Variants in SLCO4C1 observed in about 807,000 individuals in gnomAD.
SLCO4C1 encodes organic anion transporter M1.
SLCO4C1 carries 58 observed loss-of-function variants against 72.1 expected under a neutral mutation model. That is an observed-to-expected ratio of 0.80 (90% CI 0.65 to 1.00). The LOEUF (loss-of-function observed/expected upper bound fraction) is 1.00. SLCO4C1 is among the 50% of genes least tolerant of loss of function. The pLI is 0.00. For missense variants in SLCO4C1, 898 were observed against 857.9 expected, an observed-to-expected ratio of 1.05 and a Z score of -0.58; for synonymous variants, 297 against 312.5, an observed-to-expected ratio of 0.95 and a Z score of 0.52.
chr5:102,255,926 C>T (rs573627982), intron 8 of SLCO4C1, among the ~76,000 whole-genome samples: 1 of 152,038 alleles, frequency 6.6e-6, no homozygotes, highest in African/African-American at 2.4e-5. Context: ...TGGAGCTTGG[C>T]CGGGCGCGGT....
In SLCO4C1 at chr5:102,249,659, T is replaced by C. The variant is rs745916767; in HGVS notation, c.1599A>G (p.Pro533=). Residue 533 remains proline (P), a synonymous_variant, in exon 9 of 13, where the codon CCA becomes CCG. Transcript: ENST00000310954. The part of the protein sequence containing the change: ...FSPCFAGCSN[P]VAHRKPKVYY... Reference sequence around the variant, plus strand: ...CTACCTTTGGCTTCCTGTGTGCAACTGGGTTTGAACAGCCTGCAAAGCAGG... The same window carrying C: ...CTACCTTTGGCTTCCTGTGTGCAACCGGGTTTGAACAGCCTGCAAAGCAGG... The C allele has an allele frequency of 1.9e-6, 3 of 1,613,676 alleles. No individual in the cohort carries two copies. The highest frequency in any genetic ancestry group is 1.3e-5 in the African/African-American group (1 of 75,016).
At chr5:102,266,811 T>C (rs1220773281) in intron 3 of SLCO4C1, among the ~76,000 whole-genome samples, 2 of 152,210 alleles carry the variant, frequency 1.3e-5, no homozygotes, top group Non-Finnish European at 2.9e-5. Flanking sequence ...CTTTTATACC[T>C]AATTTCTTAA....
chr5:102,256,599 A>T (rs890460740), intron 8 of SLCO4C1, among the ~76,000 whole-genome samples: 4 of 152,210 alleles, frequency 2.6e-5, no homozygotes, highest in Admixed American at 2.0e-4. Flanking sequence ...AGCTAGAAAC[A>T]TGTCTACAGG....
In SLCO4C1 at chr5:102,270,812, TG is replaced by T; in HGVS notation, c.620-7del. The stretch of plus-strand genomic sequence containing the variant: ...CCTTGTTGTTACACAAGTGTCTTTG[TG>T]GAAAAAAAAATTGTGAATTTATAGA... On this transcript the variant is annotated splice_region_variant and splice_polypyrimidine_tract_variant and intron_variant, in intron 2 of 12. Coordinates refer to ENST00000310954, the MANE Select transcript of SLCO4C1 (RefSeq NM_180991.5). 1.4e-6 allele frequency: 2 copies of T among 1,464,070 alleles called. No homozygotes were observed. The highest frequency in any genetic ancestry group is 1.8e-6 in the Non-Finnish European group (2 of 1,114,820). The allele number at this position is 1,464,070 out of a possible 1,614,324, so 90.7% of individuals were successfully genotyped here. A position where few individuals can be genotyped will look rare whatever the true frequency, so the allele number is the denominator to read the frequency against.
At chr5:102,247,917 CTTTT>C (rs55692838) in intron 9 of SLCO4C1, among the ~76,000 whole-genome samples, 9 of 107,418 alleles carry the variant, frequency 8.4e-5, no homozygotes, top group Admixed American at 1.0e-4. Flanking sequence ...AGGCCAGAAA[CTTTT>C]TTTTTTTTTT....
intron 12 of SLCO4C1, among the ~76,000 whole-genome samples, chr5:102,238,952 G>A (rs557051755): frequency 6.6e-6 from 1 of 152,202 alleles, no homozygotes; most frequent in East Asian, 1.9e-4. Context: ...TAGCTTTCGA[G>A]TATACTTTCC....
At chr5:102,280,210 G>A (rs1749329599) in intron 2 of SLCO4C1, among the ~76,000 whole-genome samples, 1 of 149,846 alleles carries the variant, frequency 6.7e-6, no homozygotes, top group East Asian at 2.0e-4. Context: ...AATACACCAA[G>A]GAATCCACAA....
At chr5:102,294,938 T>C (rs1362685878) in intron 1 of SLCO4C1, among the ~76,000 whole-genome samples, 1 of 152,208 alleles carries the variant, frequency 6.6e-6, no homozygotes. Flanking sequence ...CCTTGACTGA[T>C]TATACAGAAA....
chr5:102,269,537 A>AT (rs1021315460), intron 3 of SLCO4C1, among the ~76,000 whole-genome samples: 2 of 152,012 alleles, frequency 1.3e-5, no homozygotes, highest in African/African-American at 4.8e-5. Flanking sequence ...CTATTTGGTT[A>AT]TTTTTAATGA....
intron 12 of SLCO4C1, among the ~76,000 whole-genome samples, chr5:102,237,500 T>C (rs1305492498): frequency 6.6e-6 from 1 of 151,932 alleles, no homozygotes; most frequent in Non-Finnish European, 1.5e-5. Context: ...CAGTCCCAGC[T>C]ACTTGGGATG....
intron 4 of SLCO4C1, among the ~76,000 whole-genome samples, chr5:102,262,301 A>C (rs890921458): frequency 6.6e-6 from 1 of 152,210 alleles, no homozygotes; most frequent in African/African-American, 2.4e-5. Context: ...CAAATATTTG[A>C]AAAGATATGT....
At chr5:102,255,881 A>G (rs557976194) in intron 8 of SLCO4C1, among the ~76,000 whole-genome samples, 2 of 152,264 alleles carry the variant, frequency 1.3e-5, no homozygotes, top group South Asian at 2.1e-4. Context: ...AAGATCTGCC[A>G]GAGGAAGCAT....
At position 102,239,371 on chromosome 5, in the gene SLCO4C1, T is replaced by C. The variant is rs1479564091; in HGVS notation, c.1894A>G (p.Ile632Val). 5.7e-6 allele frequency: 9 copies of C among 1,589,934 alleles called. No individual in the cohort carries two copies. Among genetic ancestry groups the C allele is most frequent in the African/African-American group, 1.4e-5 (1 of 74,022 alleles). ...CTGTCTATTGTGAAACCAAATATAATTGGTCCAGGAATTGTCCCTAAAAGA... is the reference window on the plus strand; with the variant it reads ...CTGTCTATTGTGAAACCAAATATAACTGGTCCAGGAATTGTCCCTAAAAGA... ...LRLLGTIPGP[I>V]IFGFTIDSTC... Residue 632 changes from isoleucine (I) to valine (V), a missense_variant, in exon 12 of 13, where the codon ATT becomes GTT. Ile to Val is a conservative substitution (Grantham distance 29). Coordinates refer to ENST00000310954, the MANE Select transcript of SLCO4C1 (RefSeq NM_180991.5).
rs1748442632 is a variant in SLCO4C1 at position 102,236,734 on chromosome 5, A to G, written c.*124T>C. On this transcript the variant is annotated 3_prime_UTR_variant, in exon 13 of 13. Coordinates refer to ENST00000310954, the MANE Select transcript of SLCO4C1 (RefSeq NM_180991.5). Reference sequence around the variant, plus strand: ...CATAAGTAAAAAAATACATTTGATTATAAAAACATCAATTTTGTAAATATG... The same window carrying G: ...CATAAGTAAAAAAATACATTTGATTGTAAAAACATCAATTTTGTAAATATG... 3.6e-6 allele frequency: 4 copies of G among 1,097,326 alleles called. No individual in the cohort carries two copies. Among genetic ancestry groups the G allele is most frequent in the Non-Finnish European group, 5.2e-6 (4 of 768,474 alleles). 68.0% of individuals were successfully genotyped at this position (1,097,326 alleles called of 1,614,324 possible).
intron 3 of SLCO4C1, among the ~76,000 whole-genome samples, chr5:102,264,322 C>G (rs1398979776): frequency 6.6e-6 from 1 of 152,078 alleles, no homozygotes; most frequent in African/African-American, 2.4e-5. Flanking sequence ...GAGCTTATTT[C>G]TATCTGTGAG....
intron 2 of SLCO4C1, among the ~76,000 whole-genome samples, chr5:102,281,344 T>C (rs904837787): frequency 6.6e-6 from 1 of 152,114 alleles, no homozygotes; most frequent in Admixed American, 6.6e-5. Context: ...TAAAACTTTT[T>C]TTAAAAATAG....
At chr5:102,279,314 A>T (rs139198960) in intron 2 of SLCO4C1, among the ~76,000 whole-genome samples, 2 of 152,076 alleles carry the variant, frequency 1.3e-5, no homozygotes, top group Non-Finnish European at 2.9e-5. Context: ...TTGGTGCAGA[A>T]GTAACTGCAG....
Position 102,291,446 on chromosome 5 carries a change from C to T in SLCO4C1, c.516G>A (p.Pro172=), listed in dbSNP as rs374093688. The change falls in exon 2 of 13, where the codon CCG becomes CCA. Residue 172 remains proline, a synonymous_variant. Coordinates refer to ENST00000310954, the MANE Select transcript of SLCO4C1 (RefSeq NM_180991.5). ...VSFFGERGHK[P]RWLAFAAFMI... ...TAAAGGCTGCAAATGCAAGCCATCT[C>T]GGCTTATGTCCTCTTTCACCAAAGA... 3.3e-5 allele frequency: 53 copies of T among 1,613,988 alleles called. No homozygotes were observed. Among genetic ancestry groups the T allele is most frequent in the Non-Finnish European group, 4.3e-5 (51 of 1,180,020 alleles).
intron 2 of SLCO4C1, among the ~76,000 whole-genome samples, chr5:102,286,502 T>C (rs1749455141): frequency 6.6e-6 from 1 of 152,154 alleles, no homozygotes; most frequent in Non-Finnish European, 1.5e-5. Context: ...TACTACAATA[T>C]GTTGTGTCAT....
Sources: allele counts gnomAD v4.1 joint callset (sites outside exome capture counted in the v4.1 genomes callset), GRCh38; gene constraint gnomAD v4.1.1; transcripts MANE v1.5; gene names NCBI Gene and HGNC (gene_info 2026-07-23, HGNC 2026-07-21).